Variants in FGGY observed in about 807,000 individuals in gnomAD.
The protein encoded by FGGY is FGGY carbohydrate kinase domain containing.
A neutral mutation model predicts 71.3 loss-of-function variants in FGGY; 72 were observed. That is an observed-to-expected ratio of 1.01 (90% CI 0.84 to 1.23). The LOEUF (loss-of-function observed/expected upper bound fraction) is 1.23. Ranked by LOEUF, FGGY falls within the 50% of genes most tolerant of loss-of-function variation. The pLI, the probability that FGGY is intolerant of heterozygous loss-of-function variation, is 0.00. For synonymous variants in FGGY, 251 were observed against 250.3 expected (o/e 1.00, Z -0.02); for missense variants, 668 against 682.3 (o/e 0.98, Z 0.23).
chr1:59,483,411 G>C (rs1014587167), intron 6 of FGGY, among the ~76,000 whole-genome samples: 7 of 152,166 alleles, frequency 4.6e-5, no homozygotes, highest in Admixed American at 1.3e-4. Flanking sequence ...CAACTATGGA[G>C]AAAACAGATG....
intron 9 of FGGY, among the ~76,000 whole-genome samples, chr1:59,610,630 G>A (rs912949603): frequency 2.6e-5 from 4 of 152,210 alleles, no homozygotes; most frequent in African/African-American, 7.2e-5. Context: ...CTGAGATACT[G>A]GGTTCATCTC....
intron 11 of FGGY, among the ~76,000 whole-genome samples, chr1:59,639,728 C>T (rs2097000643): frequency 6.6e-6 from 1 of 152,126 alleles, no homozygotes; most frequent in African/African-American, 2.4e-5. Flanking sequence ...CAAAACAAAG[C>T]AGTGTTGCAT....
intron 5 of FGGY, among the ~76,000 whole-genome samples, chr1:59,396,881 C>T (rs1174350311): frequency 6.6e-6 from 1 of 152,062 alleles, no homozygotes; most frequent in East Asian, 1.9e-4. Context: ...GCATATTTAC[C>T]AGTGAGTGTT....
chr1:59,625,486 T>G (rs1009474139), intron 9 of FGGY, among the ~76,000 whole-genome samples: 1 of 152,014 alleles, frequency 6.6e-6, no homozygotes, highest in Admixed American at 6.6e-5. Context: ...TTTCAAAAAA[T>G]TTTTTTAATG....
intron 2 of FGGY, among the ~76,000 whole-genome samples, chr1:59,333,408 G>A (rs1210764128): frequency 6.6e-6 from 1 of 152,246 alleles, no homozygotes; most frequent in African/African-American, 2.4e-5. Context: ...GATGCCAGAT[G>A]TTGAGCTCAT....
chr1:59,411,862 T>C (rs2063652804), intron 5 of FGGY, among the ~76,000 whole-genome samples: 1 of 152,170 alleles, frequency 6.6e-6, no homozygotes, highest in Non-Finnish European at 1.5e-5. Flanking sequence ...TGCCAGAAGA[T>C]ACCACTTTGT....
chr1:59,330,781 A>C (rs551564323), intron 2 of FGGY, among the ~76,000 whole-genome samples: 1 of 152,248 alleles, frequency 6.6e-6, no homozygotes, highest in East Asian at 1.9e-4. Flanking sequence ...GGAAGAAGGA[A>C]AGGGAGGCTA....
rs572362636 is a variant in FGGY, at chr1:59,535,822, C to T, written c.800-18302C>T. Among the ~76,000 whole-genome samples, 358 of 149,182 alleles carry T rather than the reference C, an allele frequency of 2.4e-3. 2 individuals carry two copies. Among genetic ancestry groups the T allele is most frequent in the South Asian group, 5.4e-3 (23 of 4,288 alleles). On this transcript the variant is annotated intron_variant, in intron 7 of 15. Coordinates refer to ENST00000303721, the MANE Select transcript of FGGY (RefSeq NM_018291.5). Reference sequence around the variant, plus strand: ...ACAACATACCAGAATCTCTGGGATGCATTCAAAGCAGTGTGTAGAGGGAAA... The same window carrying T: ...ACAACATACCAGAATCTCTGGGATGTATTCAAAGCAGTGTGTAGAGGGAAA...
At chr1:59,544,956 T>C (rs2095499436) in intron 7 of FGGY, among the ~76,000 whole-genome samples, 2 of 152,186 alleles carry the variant, frequency 1.3e-5, no homozygotes, top group South Asian at 4.1e-4. Flanking sequence ...CCTCCCCATC[T>C]TCCTTCCCTG....
intron 7 of FGGY, among the ~76,000 whole-genome samples, chr1:59,540,486 C>A (rs887394813): frequency 6.6e-6 from 1 of 152,116 alleles, no homozygotes; most frequent in African/African-American, 2.4e-5. Context: ...AGAAAATACA[C>A]CGAATGGTTT....
chr1:59,321,380 T>C (rs985525837), intron 1 of FGGY, among the ~76,000 whole-genome samples, 156 bp from the exon 2 acceptor site: 2 of 152,218 alleles, frequency 1.3e-5, no homozygotes, highest in Admixed American at 1.3e-4. Flanking sequence ...TTTATTAGTA[T>C]ACTGTTATCA....
chr1:59,306,737 T>C (rs2043493344), intron 1 of FGGY, among the ~76,000 whole-genome samples: 1 of 152,124 alleles, frequency 6.6e-6, no homozygotes, highest in African/African-American at 2.4e-5. Context: ...GGAGGGAAGG[T>C]AGAGAATGGA....
intron 1 of FGGY, among the ~76,000 whole-genome samples, chr1:59,313,062 T>C (rs573477248): frequency 1.3e-5 from 2 of 152,330 alleles, no homozygotes; most frequent in East Asian, 1.9e-4. Context: ...TCTGACCTAG[T>C]TGGTCAGAAC....
chr1:59,516,182 A>G (rs940198881), intron 7 of FGGY, among the ~76,000 whole-genome samples: 4 of 152,154 alleles, frequency 2.6e-5, no homozygotes, highest in Non-Finnish European at 5.9e-5. Context: ...GCCTGGGTGC[A>G]AATGTTTCCT....
At chr1:59,398,752 A>T (rs1033402245) in intron 5 of FGGY, among the ~76,000 whole-genome samples, 1 of 152,164 alleles carries the variant, frequency 6.6e-6, no homozygotes, top group African/African-American at 2.4e-5. Context: ...GTTTGATTAT[A>T]CTAGAACCTC....
chr1:59,537,157 T>C (rs1244179803), intron 7 of FGGY, among the ~76,000 whole-genome samples: 1 of 150,172 alleles, frequency 6.7e-6, no homozygotes, highest in African/African-American at 2.5e-5. Context: ...AGTCTCAGGA[T>C]ACAAAATCAA....
chr1:59,720,958 A>G (rs1258015822), intron 14 of FGGY, among the ~76,000 whole-genome samples: 1 of 152,154 alleles, frequency 6.6e-6, no homozygotes, highest in East Asian at 1.9e-4. Context: ...CCATTCACTG[A>G]GCACACTTCC....
intron 14 of FGGY, among the ~76,000 whole-genome samples, chr1:59,693,299 C>G (rs1473320959): frequency 6.6e-6 from 1 of 152,224 alleles, no homozygotes; most frequent in Non-Finnish European, 1.5e-5. Context: ...CCTCAGTTTT[C>G]TATCAGTAAA....
chr1:59,593,708 A>C (rs1268845517), intron 8 of FGGY, among the ~76,000 whole-genome samples: 1 of 152,224 alleles, frequency 6.6e-6, no homozygotes, highest in Non-Finnish European at 1.5e-5. Context: ...TGCTTATCAG[A>C]ATATCTTGCC....
Sources: allele counts gnomAD v4.1 joint callset (sites outside exome capture counted in the v4.1 genomes callset), GRCh38; gene constraint gnomAD v4.1.1; transcripts MANE v1.5; gene names NCBI Gene and HGNC (gene_info 2026-07-23, HGNC 2026-07-21).